XKR6: variants seen among roughly 807,000 people sequenced by gnomAD.
The protein encoded by XKR6 is XK related 6.
XKR6 carries 22 observed loss-of-function variants against 56.7 expected under a neutral mutation model. That is an observed-to-expected ratio of 0.39 (90% CI 0.28 to 0.55). The LOEUF (loss-of-function observed/expected upper bound fraction) is 0.55. Among genes scored for constraint, XKR6 ranks in the 20% least tolerant of loss-of-function variants. XKR6 has a pLI of 0.66. For missense variants in XKR6, 852 were observed against 889.0 expected (o/e 0.96, Z 0.53); for synonymous variants, 524 against 387.8 (o/e 1.35, Z -4.13).
intron 1 of XKR6, among the ~76,000 whole-genome samples, chr8:11,091,420 G>C (rs989441163): frequency 7.1e-5 from 10 of 141,256 alleles, no homozygotes; most frequent in Non-Finnish European, 1.4e-4. Context: ...CTGGGCAACA[G>C]AATGAGACCC....
intron 1 of XKR6, among the ~76,000 whole-genome samples, chr8:10,933,773 C>T (rs1348310205): frequency 6.7e-6 from 1 of 148,314 alleles, no homozygotes; most frequent in Non-Finnish European, 1.5e-5. Context: ...GTTTTGGTAC[C>T]AGTACCATGC....
At chr8:10,917,938 C>A (rs1461097510) in intron 2 of XKR6, among the ~76,000 whole-genome samples, 3 of 152,178 alleles carry the variant, frequency 2.0e-5, no homozygotes, top group Non-Finnish European at 4.4e-5. Context: ...TGTGGGGAGA[C>A]AGGTAAACAG....
intron 1 of XKR6, among the ~76,000 whole-genome samples, chr8:11,020,393 C>T (rs1218257801): frequency 6.6e-6 from 1 of 152,212 alleles, no homozygotes; most frequent in Non-Finnish European, 1.5e-5. Context: ...ATTCATTTGA[C>T]AAATAAGAAT....
intron 2 of XKR6, among the ~76,000 whole-genome samples, chr8:10,904,443 T>C (rs1800128737): frequency 6.6e-6 from 1 of 152,160 alleles, no homozygotes; most frequent in Non-Finnish European, 1.5e-5. Flanking sequence ...GAACGTCCTG[T>C]TTTGTGTTTT....
intron 1 of XKR6, among the ~76,000 whole-genome samples, chr8:11,180,240 A>C (rs1464536255): frequency 6.6e-6 from 1 of 152,260 alleles, no homozygotes; most frequent in Non-Finnish European, 1.5e-5. Context: ...TGGAATGAAC[A>C]GAACCAGCTT....
chr8:10,996,415 G>A (rs1273538934), intron 1 of XKR6, among the ~76,000 whole-genome samples: 1 of 152,160 alleles, frequency 6.6e-6, no homozygotes, highest in African/African-American at 2.4e-5. Flanking sequence ...TATATGTTCT[G>A]CTTTTTTTCT....
intron 1 of XKR6, chr8:11,128,954 T>TG (rs1799965169): frequency 2.2e-6 from 1 of 456,598 alleles, no homozygotes; most frequent in Non-Finnish European, 4.4e-6. Context: ...AGCCAGAAAG[T>TG]CTTTTTTTCA....
intron 1 of XKR6, among the ~76,000 whole-genome samples, chr8:11,056,037 C>G (rs1225940811): frequency 3.9e-5 from 6 of 152,176 alleles, no homozygotes; most frequent in East Asian, 1.9e-4. Flanking sequence ...ATTCCTCTCC[C>G]GCCCCACTTC....
chr8:11,107,159 G>C (rs1016408685), intron 1 of XKR6, among the ~76,000 whole-genome samples: 7 of 151,398 alleles, frequency 4.6e-5, no homozygotes, highest in Non-Finnish European at 7.4e-5. Flanking sequence ...ATGATTACTT[G>C]GCAAAGAAAA....
At chr8:11,170,457 C>T (rs1195763806) in intron 1 of XKR6, among the ~76,000 whole-genome samples, 1 of 152,176 alleles carries the variant, frequency 6.6e-6, no homozygotes, top group Non-Finnish European at 1.5e-5. Context: ...TCACAAAAGA[C>T]CACATTCTAT....
chr8:11,044,676 T>C (rs1799364541), intron 1 of XKR6, among the ~76,000 whole-genome samples: 2 of 151,098 alleles, frequency 1.3e-5, no homozygotes, highest in Admixed American at 1.3e-4. Context: ...TGGAGTGCAA[T>C]AGCATGATCT....
intron 1 of XKR6, among the ~76,000 whole-genome samples, chr8:11,155,769 C>T (rs1801489218): frequency 6.6e-6 from 1 of 152,210 alleles, no homozygotes; most frequent in South Asian, 2.1e-4. Flanking sequence ...CTTTGTCCCA[C>T]TCCATTCCAC....
chr8:10,998,919 G>A (rs906231521), intron 1 of XKR6, among the ~76,000 whole-genome samples: 1 of 152,146 alleles, frequency 6.6e-6, no homozygotes, highest in Non-Finnish European at 1.5e-5. Context: ...AACAGCTGTC[G>A]ACCAACTGTG....
intron 1 of XKR6, among the ~76,000 whole-genome samples, chr8:11,047,750 G>A (rs886540141): frequency 5.3e-5 from 8 of 152,142 alleles, no homozygotes; most frequent in Non-Finnish European, 8.8e-5. Flanking sequence ...CAAACGATAC[G>A]TTTACAGATA....
intron 1 of XKR6, among the ~76,000 whole-genome samples, chr8:11,042,709 A>G (rs1799315785): frequency 6.6e-6 from 1 of 152,238 alleles, no homozygotes; most frequent in Non-Finnish European, 1.5e-5. Context: ...ATATCCTTTG[A>G]GCATCATGTG....
chr8:10,969,720 G>A (rs1256476008), intron 1 of XKR6, among the ~76,000 whole-genome samples: 1 of 152,182 alleles, frequency 6.6e-6, no homozygotes, highest in African/African-American at 2.4e-5. Context: ...ATGGAAACAG[G>A]AGCCCCCCAC....
At chr8:11,037,857 CAAA>C (rs61377795) in intron 1 of XKR6, among the ~76,000 whole-genome samples, 24 of 100,716 alleles carry the variant, frequency 2.4e-4, no homozygotes, top group Admixed American at 4.5e-4. Context: ...GACTTGGTTT[CAAA>C]AAAAAAAAAA....
At chr8:11,050,827 C>G (rs558155914) in intron 1 of XKR6, among the ~76,000 whole-genome samples, 2 of 152,206 alleles carry the variant, frequency 1.3e-5, no homozygotes, top group East Asian at 3.9e-4. Flanking sequence ...TCCTCAACAC[C>G]TATCCCCCAT....
intron 1 of XKR6, among the ~76,000 whole-genome samples, chr8:11,061,131 A>C (rs2129163596): frequency 6.6e-6 from 1 of 152,332 alleles, no homozygotes; most frequent in East Asian, 1.9e-4. Context: ...TGCTGGGGCT[A>C]AAGCAGAATA....
Sources: gnomAD v4.1 joint callset for allele counts (sites outside exome capture counted in the v4.1 genomes callset) on GRCh38, gnomAD v4.1.1 for gene constraint, MANE v1.5 for transcripts, NCBI Gene and HGNC (gene_info 2026-07-23, HGNC 2026-07-21) for gene names.